Variants in AMBRA1 observed in about 807,000 individuals in gnomAD.
The protein encoded by AMBRA1 is activating molecule in BECN1-regulated autophagy protein 1.
AMBRA1 carries 47 observed loss-of-function variants against 125.4 expected under a neutral mutation model. That is an observed-to-expected ratio of 0.37 (90% CI 0.30 to 0.48). AMBRA1 has a LOEUF of 0.48. Among genes scored for constraint, AMBRA1 ranks in the 20% least tolerant of loss-of-function variants. AMBRA1 has a pLI of 0.99. For missense variants in AMBRA1, 1,331 were observed against 1,693.4 expected (o/e 0.79, Z 3.76); for synonymous variants, 626 against 655.5 (o/e 0.95, Z 0.69).
chr11:46,502,301 C>T (rs921880398), intron 9 of AMBRA1, among the ~76,000 whole-genome samples: 18 of 152,260 alleles, frequency 1.2e-4, no homozygotes, highest in Admixed American at 3.3e-4. Context: ...AGATGGCTGG[C>T]TGATTCCTAA....
intron 1 of AMBRA1, among the ~76,000 whole-genome samples, chr11:46,553,032 G>A (rs1028943424): frequency 6.6e-6 from 1 of 151,848 alleles, no homozygotes; most frequent in Non-Finnish European, 1.5e-5. Context: ...TGCAACCTCT[G>A]CCTCCTGGGT....
At chr11:46,502,055 T>C (rs1474487545) in intron 9 of AMBRA1, among the ~76,000 whole-genome samples, 2 of 152,312 alleles carry the variant, frequency 1.3e-5, no homozygotes, top group East Asian at 3.9e-4. Flanking sequence ...GAGAGGTTTT[T>C]GTCTCTCTCC....
chr11:46,488,087 A>G (rs931482574), intron 11 of AMBRA1, among the ~76,000 whole-genome samples: 1 of 152,248 alleles, frequency 6.6e-6, no homozygotes, highest in Non-Finnish European at 1.5e-5. Flanking sequence ...AAAATAGTTA[A>G]TTCATCAGGA....
intron 11 of AMBRA1, among the ~76,000 whole-genome samples, chr11:46,448,543 T>A (rs559063130): frequency 2.0e-5 from 3 of 152,128 alleles, no homozygotes; most frequent in African/African-American, 4.8e-5. Context: ...TTTAAGCACC[T>A]ACCATAAGAA....
In AMBRA1 at chr11:46,472,791, C is replaced by T. The variant is rs116039343; in HGVS notation, c.2521+20817G>A. On this transcript the variant is annotated intron_variant, in intron 11 of 17. Coordinates refer to ENST00000683756, the MANE Select transcript of AMBRA1 (RefSeq NM_001387011.1). Reference sequence around the variant, plus strand: ...CTCCTAGTCCTTATCTGGTGGCCTTCGGAACTATGTCACTGAGTCACTGAG... The same window carrying T: ...CTCCTAGTCCTTATCTGGTGGCCTTTGGAACTATGTCACTGAGTCACTGAG... Among the ~76,000 whole-genome samples, 746 of 152,290 alleles carry T rather than the reference C, an allele frequency of 4.9e-3. 1 individual carries two copies. Among genetic ancestry groups the T allele is most frequent in the African/African-American group, 0.014 (593 of 41,560 alleles).
intron 1 of AMBRA1, among the ~76,000 whole-genome samples, chr11:46,567,603 C>T (rs923815584): frequency 2.0e-5 from 3 of 151,988 alleles, no homozygotes; most frequent in Non-Finnish European, 2.9e-5. Context: ...TCAAGTGATT[C>T]GCCCGCCTCA....
chr11:46,542,245 T>C lies in AMBRA1; in HGVS notation c.1772A>G (p.Tyr591Cys), dbSNP rs151187650. The C allele has an allele frequency of 3.9e-4, 634 of 1,613,072 alleles. 4 individuals carry two copies. Among genetic ancestry groups the C allele is most frequent in the African/African-American group, 3.8e-3 (286 of 74,668 alleles). The change falls in exon 7 of 18, where the codon TAC becomes TGC. Residue 591 changes from tyrosine (Y) to cysteine (C), a missense_variant. Physicochemically the swap from Tyr to Cys is radical, Grantham distance 194. Coordinates refer to ENST00000683756, the MANE Select transcript of AMBRA1 (RefSeq NM_001387011.1). The surrounding 1 kb of genome is among the most constrained non-coding windows in gnomAD (Gnocchi z 5.9). Reference protein sequence around the residue: ...TLRWERTTPNYSSGEASSSWQ... With the variant: ...TLRWERTTPNCSSGEASSSWQ... ...AGAGGAACTAGCCTCGCCAGAGGAG[T>C]AGTTAGGTGTGGTTCTTTCCCAGCG...
intron 1 of AMBRA1, among the ~76,000 whole-genome samples, chr11:46,583,946 AT>A (rs2044274575): frequency 7.0e-6 from 1 of 142,614 alleles, no homozygotes; most frequent in African/African-American, 2.6e-5. Context: ...TAGTTCAACC[AT>A]TGTGGAAGTC....
chr11:46,437,012 T>C (rs1024020496), intron 12 of AMBRA1, among the ~76,000 whole-genome samples: 6 of 152,220 alleles, frequency 3.9e-5, no homozygotes, highest in Admixed American at 2.0e-4. Flanking sequence ...AAAGTAGACT[T>C]TCCTATCTTG....
At chr11:46,414,993 T>C (rs988050736) in intron 15 of AMBRA1, among the ~76,000 whole-genome samples, 1 of 152,002 alleles carries the variant, frequency 6.6e-6, no homozygotes. Flanking sequence ...AGAGCAGTAT[T>C]GAGAGCACAA....
At chr11:46,530,048 A>G (rs1379029885) in intron 7 of AMBRA1, among the ~76,000 whole-genome samples, 1 of 152,168 alleles carries the variant, frequency 6.6e-6, no homozygotes. Flanking sequence ...ACAGAACCCC[A>G]TACACCTGGT....
intron 1 of AMBRA1, among the ~76,000 whole-genome samples, chr11:46,575,399 G>A (rs573234743): frequency 6.6e-6 from 1 of 151,552 alleles, no homozygotes; most frequent in African/African-American, 2.4e-5. Flanking sequence ...GGAGGTTGTG[G>A]TGAGCTGAGA....
Position 46,534,731 on chromosome 11 carries a change from AG to A in AMBRA1, c.2072+7213del, listed in dbSNP as rs1454273882. Among the ~76,000 whole-genome samples, 5 of 152,154 alleles carry A rather than the reference AG, an allele frequency of 3.3e-5. No homozygotes were observed. The East Asian group carries it at 7.8e-4, about 24-fold the overall frequency. On this transcript the variant is annotated intron_variant, in intron 7 of 17. Transcript: ENST00000683756. The stretch of plus-strand genomic sequence containing the variant: ...CTCTGTTGCCCAGGCTGCAGTGCAG[AG>A]GCGCAATCATGGCTCACTGCAGCCT...
At chr11:46,486,418 A>C (rs1950267233) in intron 11 of AMBRA1, among the ~76,000 whole-genome samples, 1 of 152,192 alleles carries the variant, frequency 6.6e-6, no homozygotes, top group Non-Finnish European at 1.5e-5. Context: ...TATAGTGATT[A>C]AGCAATTTGT....
intron 11 of AMBRA1, among the ~76,000 whole-genome samples, chr11:46,458,584 T>C (rs754032101): frequency 2.0e-5 from 3 of 152,186 alleles, no homozygotes; most frequent in South Asian, 2.1e-4. Flanking sequence ...TTTTCCTTCA[T>C]ATAATATTTT....
intron 13 of AMBRA1, 105 bp from the exon 14 acceptor site, chr11:46,433,733 T>G: frequency 8.2e-7 from 1 of 1,214,108 alleles, no homozygotes; most frequent in South Asian, 1.5e-5. Flanking sequence ...CATATTCACT[T>G]GCTCATCCTG....
intron 5 of AMBRA1, 86 bp downstream of exon 5, chr11:46,545,518 A>G: frequency 5.3e-6 from 8 of 1,499,474 alleles, no homozygotes; most frequent in Non-Finnish European, 7.2e-6. Context: ...AGGGATAACA[A>G]CCTGACTTCC....
In AMBRA1 at chr11:46,512,457, C is replaced by T. The variant is rs140966222; in HGVS notation, c.2159+270G>A. 2.4e-4 allele frequency among the ~76,000 whole-genome samples: 36 copies of T among 152,278 alleles called. No homozygotes were observed. The East Asian group carries it at 6.6e-3, about 28-fold the overall frequency. On this transcript the variant is annotated intron_variant, in intron 8 of 17. Transcript: ENST00000683756. ...ACAGAAAAAGAGTATCCTATGACTA[C>T]CTGTGGCCTCTCCAGGTTCCTCCTC... is the stretch of plus-strand genomic sequence containing the variant.
At chr11:46,583,919 T>C (rs933159671) in intron 1 of AMBRA1, among the ~76,000 whole-genome samples, 1 of 142,090 alleles carries the variant, frequency 7.0e-6, no homozygotes, top group African/African-American at 2.6e-5. Flanking sequence ...TTTTACACTG[T>C]TGGTGGGACT....
Sources: allele counts gnomAD v4.1 joint callset (sites outside exome capture counted in the v4.1 genomes callset), GRCh38; gene constraint gnomAD v4.1.1; non-coding constraint Gnocchi (gnomAD v3.1); transcripts MANE v1.5; gene names NCBI Gene and HGNC (gene_info 2026-07-23, HGNC 2026-07-21).